The following BICD1 variants were observed in gnomAD, a reference collection of about 807,000 sequenced individuals.
BICD1 encodes BICD cargo adaptor 1.
A neutral mutation model predicts 92.5 loss-of-function variants in BICD1; 35 were observed. That is an observed-to-expected ratio of 0.38 (90% CI 0.29 to 0.50). BICD1 has a LOEUF of 0.50. BICD1 is among the 20% of genes least tolerant of loss of function. BICD1 has a pLI of 0.93. For synonymous variants in BICD1, 429 were observed against 465.1 expected (o/e 0.92, Z 1.00); for missense variants, 950 against 1,189.8 (o/e 0.80, Z 2.97).
At chr12:32,303,013 A>G (rs1046074901) in intron 3 of BICD1, among the ~76,000 whole-genome samples, 3 of 145,558 alleles carry the variant, frequency 2.1e-5, no homozygotes, top group Non-Finnish European at 4.5e-5. Flanking sequence ...GGCTCACTGC[A>G]GCCTTGACCT....
intron 2 of BICD1, among the ~76,000 whole-genome samples, chr12:32,292,601 G>A (rs1022192628): frequency 6.6e-6 from 1 of 152,140 alleles, no homozygotes; most frequent in Non-Finnish European, 1.5e-5. Context: ...TGTTGCAATA[G>A]CAGTTTCTAT....
Position 32,381,453 on chromosome 12 carries a change from C to A in BICD1, c.*3826C>A, listed in dbSNP as rs890195006. 9 of 152,036 alleles carry A rather than the reference C, an allele frequency of 5.9e-5. No homozygotes were observed. Among genetic ancestry groups the A allele is most frequent in the Non-Finnish European group, 1.2e-4 (8 of 67,968 alleles). 9.4% of individuals were successfully genotyped at this position (152,036 alleles called of 1,614,324 possible). ...GAAAATATCCTTGTGCAGATAAGTT[C>A]TTCTGTTTGAAACAAGCATGAAACA... On this transcript the variant is annotated 3_prime_UTR_variant, in exon 10 of 10. Transcript: ENST00000652176.
chr12:32,135,626 C>A (rs1374155490), intron 1 of BICD1, among the ~76,000 whole-genome samples: 8 of 151,956 alleles, frequency 5.3e-5, no homozygotes, highest in Admixed American at 3.9e-4. Context: ...GTCTCAAATT[C>A]CTTGCCTCAA....
intron 8 of BICD1, among the ~76,000 whole-genome samples, chr12:32,346,939 A>ATTTTT (rs1210237322): frequency 7.3e-6 from 1 of 136,692 alleles, no homozygotes; most frequent in East Asian, 2.2e-4. Flanking sequence ...TTTCGGTTTT[A>ATTTTT]TTTCTTTTCT....
chr12:32,129,660 G>A (rs907909501), intron 1 of BICD1, among the ~76,000 whole-genome samples: 8 of 151,532 alleles, frequency 5.3e-5, no homozygotes, highest in Non-Finnish European at 1.0e-4. Flanking sequence ...ATGAGCCACC[G>A]CACCTGGCCT....
rs1467467234 is a variant in BICD1, at chr12:32,381,245, T to C, written c.*3618T>C. The C allele has an allele frequency of 5.3e-5, 8 of 152,062 alleles. No homozygotes were observed. The highest frequency in any genetic ancestry group is 7.4e-5 in the Non-Finnish European group (5 of 67,982). 9.4% of individuals were successfully genotyped at this position (152,062 alleles called of 1,614,324 possible). On this transcript the variant is annotated 3_prime_UTR_variant, in exon 10 of 10. Coordinates refer to ENST00000652176, the MANE Select transcript of BICD1 (RefSeq NM_001714.4). ...GCTATATTCCATGGTATCTTTAAAA[T>C]TGTTCAGAATATAGGACTTTTACTA...
intron 8 of BICD1, among the ~76,000 whole-genome samples, chr12:32,354,836 A>T (rs1939037588): frequency 6.6e-6 from 1 of 152,136 alleles, no homozygotes; most frequent in African/African-American, 2.4e-5. Flanking sequence ...TTTCTATCTC[A>T]TGCTCTTCTT....
At chr12:32,238,691 T>C (rs1300660229) in intron 2 of BICD1, among the ~76,000 whole-genome samples, 1 of 152,162 alleles carries the variant, frequency 6.6e-6, no homozygotes, top group Admixed American at 6.5e-5. Context: ...ACGCCTGTAA[T>C]CCCAGCACTT....
intron 4 of BICD1, among the ~76,000 whole-genome samples, chr12:32,324,332 T>A (rs1168180283): frequency 7.3e-6 from 1 of 136,942 alleles, no homozygotes; most frequent in South Asian, 2.3e-4. Flanking sequence ...TTCAGCCTGG[T>A]GACAGAGCTA....
chr12:32,116,510 C>CTCTCTCTCTCTA (rs1233964108), intron 1 of BICD1, among the ~76,000 whole-genome samples: 5 of 104,374 alleles, frequency 4.8e-5, no homozygotes, highest in Non-Finnish European at 9.4e-5. Context: ...CTCTCTCTCT[C>CTCTCTCTCTCTA]TATATATATA....
At chr12:32,375,326 C>G (rs1331444586) in intron 9 of BICD1, among the ~76,000 whole-genome samples, 1 of 151,906 alleles carries the variant, frequency 6.6e-6, no homozygotes, top group African/African-American at 2.4e-5. Flanking sequence ...GTCAGGAGTT[C>G]GAGACCAGCC....
At chr12:32,194,791 G>T (rs1944678911) in intron 1 of BICD1, among the ~76,000 whole-genome samples, 1 of 152,158 alleles carries the variant, frequency 6.6e-6, no homozygotes. Context: ...GCTGAGGTAG[G>T]AGAATCGCTT....
chr12:32,117,493 A>G (rs868610724), intron 1 of BICD1, among the ~76,000 whole-genome samples: 5 of 151,986 alleles, frequency 3.3e-5, no homozygotes, highest in African/African-American at 7.2e-5. Context: ...TTTCAGAAGA[A>G]AACTAATGGG....
At chr12:32,234,990 A>G (rs1946020419) in intron 2 of BICD1, among the ~76,000 whole-genome samples, 1 of 152,134 alleles carries the variant, frequency 6.6e-6, no homozygotes, top group African/African-American at 2.4e-5. Context: ...CAGCCTAAAC[A>G]TCTCGTCTGA....
At chr12:32,187,297 C>T (rs1944444076) in intron 1 of BICD1, among the ~76,000 whole-genome samples, 1 of 152,148 alleles carries the variant, frequency 6.6e-6, no homozygotes, top group Non-Finnish European at 1.5e-5. Context: ...AAACAGTTGT[C>T]TTATTAAAAC....
At chr12:32,132,184 A>G (rs2121306266) in intron 1 of BICD1, among the ~76,000 whole-genome samples, 1 of 152,114 alleles carries the variant, frequency 6.6e-6, no homozygotes, top group South Asian at 2.1e-4. Context: ...TTGGGAGGCC[A>G]AGGTGGGCAG....
intron 2 of BICD1, among the ~76,000 whole-genome samples, chr12:32,266,152 C>T (rs1390172048): frequency 6.6e-6 from 1 of 152,082 alleles, no homozygotes; most frequent in Admixed American, 6.6e-5. Context: ...AGGTCATAGC[C>T]CTGTAGTTCT....
chr12:32,306,130 CTTTG>C lies in BICD1; in HGVS notation c.1005+12_1005+15del, dbSNP rs747435523. 5.1e-6 allele frequency: 8 copies of C among 1,573,392 alleles called. No homozygotes were observed. In the Admixed American group the frequency reaches 1.5e-4, roughly 30 times the overall value. On this transcript the variant is annotated intron_variant, in intron 4 of 9. Coordinates refer to ENST00000652176, the MANE Select transcript of BICD1 (RefSeq NM_001714.4). ...AAGCAGCAGCTTATGCAGGTAAGAA[CTTTG>C]TTTAGGGCCGCTAGAGTGAATTTCT...
At chr12:32,233,112 A>G (rs2121589431) in intron 2 of BICD1, among the ~76,000 whole-genome samples, 1 of 152,234 alleles carries the variant, frequency 6.6e-6, no homozygotes, top group South Asian at 2.1e-4. Flanking sequence ...ACTTGAGGTC[A>G]AGAATTCGAG....
Sources: allele counts gnomAD v4.1 joint callset (sites outside exome capture counted in the v4.1 genomes callset), GRCh38; gene constraint gnomAD v4.1.1; transcripts MANE v1.5; gene names NCBI Gene and HGNC (gene_info 2026-07-23, HGNC 2026-07-21).